NTRK2: variants seen among roughly 807,000 people sequenced by gnomAD.
The protein encoded by NTRK2 is BDNF/NT-3 growth factors receptor.
Under a neutral mutation model 94.5 loss-of-function variants are expected in NTRK2, and 13 were observed. That is an observed-to-expected ratio of 0.14 (90% confidence interval 0.09 to 0.22). NTRK2 has a LOEUF of 0.22. Ranked by LOEUF, NTRK2 falls within the 10% of genes least tolerant of loss-of-function variation. NTRK2 has a pLI of 1.00. For missense variants in NTRK2, 639 were observed against 1,071.2 expected, an observed-to-expected ratio of 0.60 and a Z score of 5.63; for synonymous variants, 372 against 407.4, an observed-to-expected ratio of 0.91 and a Z score of 1.05.
intron 12 of NTRK2, chr9:84,813,503 T>G: frequency 9.4e-7 from 1 of 1,065,358 alleles, no homozygotes; most frequent in East Asian, 5.0e-5. Flanking sequence ...TCACTTTTCT[T>G]TCTTCCTGAC....
chr9:84,875,237 A>G (rs2076019697), intron 14 of NTRK2: 1 of 1,058,638 alleles, frequency 9.4e-7, no homozygotes, highest in Non-Finnish European at 1.1e-6. Context: ...TGTGCTGCAC[A>G]GTGTGTAGGA....
Position 84,767,351 on chromosome 9 carries a change from T to C in NTRK2, c.1396+15266T>C, listed in dbSNP as rs566045874. On this transcript the variant is annotated intron_variant, in intron 12 of 18. Transcript: ENST00000277120. ...GTAGAACCCATCCATGCTTTTTGCA[T>C]AGCATTCCTTTTGGCTGAAAAGATA... Among the ~76,000 whole-genome samples the C allele has an allele frequency of 1.2e-4, 19 of 152,332 alleles. No individual in the cohort carries two copies. In the East Asian group the frequency reaches 2.3e-3, roughly 19 times the overall value.
chr9:84,957,061 G>T (rs1824227693), intron 17 of NTRK2, among the ~76,000 whole-genome samples: 1 of 152,010 alleles, frequency 6.6e-6, no homozygotes, highest in Non-Finnish European at 1.5e-5. Context: ...TACCAGAGAT[G>T]GTCTCCTCTG....
At chr9:84,743,421 A>G (rs2063812990) in intron 10 of NTRK2, among the ~76,000 whole-genome samples, 2 of 152,060 alleles carry the variant, frequency 1.3e-5, no homozygotes, top group Non-Finnish European at 2.9e-5. Flanking sequence ...ATTTAACCTG[A>G]GCTAATTTTA....
chr9:84,890,445 G>A (rs1255185615), intron 14 of NTRK2, among the ~76,000 whole-genome samples: 1 of 152,148 alleles, frequency 6.6e-6, no homozygotes. Flanking sequence ...TGAACTGCTG[G>A]GGTAAGGATC....
Position 84,843,845 on chromosome 9 carries a change from A to T in NTRK2, c.1397-17195A>T, listed in dbSNP as rs191811949. Among the ~76,000 whole-genome samples, 20 of 152,366 alleles carry T rather than the reference A, an allele frequency of 1.3e-4. No homozygotes were observed. In the East Asian group the frequency reaches 3.9e-3, roughly 29 times the overall value. On this transcript the variant is annotated intron_variant, in intron 12 of 18. Transcript: ENST00000277120. Reference sequence around the variant, plus strand: ...GCTATCAAGATCTGCAAACAGTTTTATGTGAGCAGACAGGAGAAACATTTA... The same window carrying T: ...GCTATCAAGATCTGCAAACAGTTTTTTGTGAGCAGACAGGAGAAACATTTA...
chr9:84,735,597 G>T (rs1470255756), intron 9 of NTRK2, among the ~76,000 whole-genome samples: 1 of 152,178 alleles, frequency 6.6e-6, no homozygotes, highest in East Asian at 1.9e-4. Flanking sequence ...ATTGGTTTTG[G>T]CATAAAGTTG....
In NTRK2 at chr9:84,821,146, T is replaced by C. The variant is rs541718539; in HGVS notation, c.1397-39894T>C. Among the ~76,000 whole-genome samples the C allele has an allele frequency of 2.5e-3, 384 of 152,342 alleles. 13 individuals are homozygous for C. The highest frequency in any genetic ancestry group is 2.8e-3 in the Non-Finnish European group (189 of 68,034). On this transcript the variant is annotated intron_variant, in intron 12 of 18. Transcript: ENST00000277120. Reference sequence around the variant, plus strand: ...TTATCTTTTTTTAAAAAAATCATTTTCTTCTCTTTTCTTTCAGTTCTCTTT... The same window carrying C: ...TTATCTTTTTTTAAAAAAATCATTTCCTTCTCTTTTCTTTCAGTTCTCTTT...
intron 4 of NTRK2, 131 bp from the exon 5 acceptor site, chr9:84,707,713 A>T (rs1366264780): frequency 1.4e-6 from 1 of 693,936 alleles, no homozygotes; most frequent in East Asian, 2.8e-5. Context: ...AGAGAGAGAG[A>T]TCTGGATGTA....
chr9:84,804,308 C>T (rs536234372), intron 12 of NTRK2, among the ~76,000 whole-genome samples: 2 of 152,302 alleles, frequency 1.3e-5, no homozygotes, highest in African/African-American at 4.8e-5. Flanking sequence ...TCCTCTTCCT[C>T]TTTCTATCTC....
chr9:84,723,790 T>A lies in NTRK2; in HGVS notation c.720+81T>A, dbSNP rs1588171072. ...GAGAATGTATTAAACCTAGTGATGA[T>A]CATTTGATATTTTATAAGGCTACAT... On this transcript the variant is annotated intron_variant, in intron 7 of 18. Transcript: ENST00000277120. 4 of 1,557,678 alleles carry A rather than the reference T, an allele frequency of 2.6e-6. No individual in the cohort carries two copies. In the African/African-American group the frequency reaches 5.4e-5, roughly 21 times the overall value.
At chr9:84,909,687 T>C (rs2077181313) in intron 14 of NTRK2, among the ~76,000 whole-genome samples, 1 of 152,188 alleles carries the variant, frequency 6.6e-6, no homozygotes, top group Non-Finnish European at 1.5e-5. Flanking sequence ...CTAATTATTT[T>C]CAACATCTTT....
chr9:84,862,345 A>G (rs777959769), intron 13 of NTRK2, among the ~76,000 whole-genome samples: 1 of 152,120 alleles, frequency 6.6e-6, no homozygotes, highest in Non-Finnish European at 1.5e-5. Context: ...GCGTAGGTGT[A>G]TCCCGTGTGT....
chr9:84,908,638 T>C (rs563384991), intron 14 of NTRK2, among the ~76,000 whole-genome samples: 1 of 152,318 alleles, frequency 6.6e-6, no homozygotes, highest in African/African-American at 2.4e-5. Flanking sequence ...ACTTATTAAA[T>C]AGCAGGGTGC....
chr9:84,876,088 A>T, intron 14 of NTRK2: 1 of 1,033,904 alleles, frequency 9.7e-7, no homozygotes, highest in Non-Finnish European at 1.2e-6. Flanking sequence ...GTTACTATTA[A>T]TTAACACATT....
intron 12 of NTRK2, among the ~76,000 whole-genome samples, chr9:84,830,953 A>AT (rs1473682010): frequency 2.6e-5 from 4 of 152,158 alleles, no homozygotes; most frequent in African/African-American, 9.7e-5. Flanking sequence ...GTATATAAAT[A>AT]TTTTTATTTC....
At position 84,934,154 on chromosome 9, in the gene NTRK2, T is replaced by C. The variant is rs2078135490; in HGVS notation, c.1634-8T>C. 6.2e-7 allele frequency: 1 copy of C among 1,613,680 alleles called. No individual in the cohort carries two copies. Among genetic ancestry groups the C allele is most frequent in the Non-Finnish European group, 8.5e-7 (1 of 1,179,798 alleles). Reference sequence around the variant, plus strand: ...AATTCCAATTTCCATTCTGTCTTTGTTTTGCAGTTGTTCAGCACATCAAGC... The same window carrying C: ...AATTCCAATTTCCATTCTGTCTTTGCTTTGCAGTTGTTCAGCACATCAAGC... On this transcript the variant is annotated splice_region_variant and splice_polypyrimidine_tract_variant and intron_variant, in intron 14 of 18. Coordinates refer to ENST00000277120, the MANE Select transcript of NTRK2 (RefSeq NM_006180.6).
intron 12 of NTRK2, among the ~76,000 whole-genome samples, chr9:84,824,290 C>G (rs1432419906): frequency 6.6e-6 from 1 of 152,192 alleles, no homozygotes; most frequent in Non-Finnish European, 1.5e-5. Context: ...CCCTCACGAC[C>G]CACCACCAGC....
At chr9:84,725,394 A>G (rs1182220739) in intron 8 of NTRK2, among the ~76,000 whole-genome samples, 1 of 152,184 alleles carries the variant, frequency 6.6e-6, no homozygotes, top group Non-Finnish European at 1.5e-5. Flanking sequence ...AGTCAATGTT[A>G]TCTCCAAACA....
Sources: allele counts gnomAD v4.1 joint callset (sites outside exome capture counted in the v4.1 genomes callset), GRCh38; gene constraint gnomAD v4.1.1; transcripts MANE v1.5; gene names NCBI Gene and HGNC (gene_info 2026-07-23, HGNC 2026-07-21).